The following PRR16 variants were observed in gnomAD, a reference collection of about 807,000 sequenced individuals.
The protein encoded by PRR16 is proline rich 16.
In PRR16, 6 loss-of-function variants were observed where a neutral mutation model predicts 18.2. The observed-to-expected ratio is 0.33, with a 90% CI of 0.18 to 0.65. The LOEUF (loss-of-function observed/expected upper bound fraction) is 0.65. Ranked by LOEUF, PRR16 falls within the 30% of genes least tolerant of loss-of-function variation. The probability of loss-of-function intolerance (pLI) is 0.74; values close to 1 mark genes in which losing one functional copy is unlikely to be tolerated. For missense variants in PRR16, 412 were observed against 376.6 expected, an observed-to-expected ratio of 1.09 and a Z score of -0.78; for synonymous variants, 151 against 147.8, an observed-to-expected ratio of 1.02 and a Z score of -0.16.
chr5:120,772,688 T>C, the PRR16 span, among the ~76,000 whole-genome samples: 2 of 152,042 alleles, frequency 1.3e-5, no homozygotes, highest in African/African-American at 4.8e-5. Context: ...TTTGATGCAA[T>C]TAGGCACCAA....
At chr5:120,651,886 G>C (rs1318876159) in intron 1 of PRR16, among the ~76,000 whole-genome samples, 1 of 152,016 alleles carries the variant, frequency 6.6e-6, no homozygotes, top group African/African-American at 2.4e-5. Flanking sequence ...GTAGCTTGAT[G>C]GGGATGGCAT....
chr5:120,507,729 C>T (rs1750692356), intron 1 of PRR16, among the ~76,000 whole-genome samples: 2 of 151,888 alleles, frequency 1.3e-5, no homozygotes, highest in South Asian at 4.1e-4. Context: ...AAAAGGCACG[C>T]TAGTTAACCA....
chr5:120,763,641 A>T, the PRR16 span, among the ~76,000 whole-genome samples: 1 of 152,012 alleles, frequency 6.6e-6, no homozygotes, highest in African/African-American at 2.4e-5. Flanking sequence ...GATTGCTTTG[A>T]ATAGTATGGT....
chr5:120,654,499 A>G (rs1462191003), intron 1 of PRR16, among the ~76,000 whole-genome samples: 1 of 151,872 alleles, frequency 6.6e-6, no homozygotes, highest in Non-Finnish European at 1.5e-5. Flanking sequence ...ACTTGGTTAA[A>G]TATAAATATC....
chr5:120,615,384 CTTTTTTT>C (rs10717083), intron 1 of PRR16, among the ~76,000 whole-genome samples: 6 of 119,460 alleles, frequency 5.0e-5, no homozygotes, highest in South Asian at 2.7e-4. Context: ...TCTTTCTTTT[CTTTTTTT>C]TTTTTTTTTT....
At chr5:120,701,633 C>G in the PRR16 span, among the ~76,000 whole-genome samples, 2 of 141,374 alleles carry the variant, frequency 1.4e-5, no homozygotes. Flanking sequence ...TCTAGCTCGG[C>G]CTGGCAAGGA....
At chr5:120,504,505 T>TTGAC (rs143482570) in intron 1 of PRR16, among the ~76,000 whole-genome samples, 12,969 of 152,268 alleles carry the variant, frequency 0.085, 724 homozygotes, top group South Asian at 0.17. Flanking sequence ...TGAAGTAGTC[T>TTGAC]GTCACATACT....
intron 1 of PRR16, among the ~76,000 whole-genome samples, chr5:120,480,255 G>A (rs1449368431): frequency 1.3e-5 from 2 of 152,120 alleles, no homozygotes; most frequent in African/African-American, 4.8e-5. Flanking sequence ...TAATCATAGA[G>A]TATGCACCAA....
the PRR16 span, among the ~76,000 whole-genome samples, chr5:120,704,644 C>T: frequency 1.3e-5 from 2 of 152,246 alleles, no homozygotes; most frequent in South Asian, 4.1e-4. Flanking sequence ...ACTTGGGAAG[C>T]TTCACACCCT....
chr5:120,773,021 C>G, the PRR16 span, among the ~76,000 whole-genome samples: 8 of 152,052 alleles, frequency 5.3e-5, no homozygotes, highest in Non-Finnish European at 1.0e-4. Flanking sequence ...TGTAAGTATA[C>G]TATATTATAT....
At chr5:120,574,247 TCAATA>T (rs1285084378) in intron 1 of PRR16, among the ~76,000 whole-genome samples, 1 of 151,914 alleles carries the variant, frequency 6.6e-6, no homozygotes, top group Non-Finnish European at 1.5e-5. Flanking sequence ...TTGCAACAAG[TCAATA>T]ATAATAAAAG....
At chr5:120,569,171 A>G (rs1443995965) in intron 1 of PRR16, among the ~76,000 whole-genome samples, 2 of 152,152 alleles carry the variant, frequency 1.3e-5, no homozygotes, top group African/African-American at 2.4e-5. Context: ...TTTCTGCTGT[A>G]TACTCATGAC....
chr5:120,614,496 A>G (rs1182178788), intron 1 of PRR16, among the ~76,000 whole-genome samples: 1 of 152,212 alleles, frequency 6.6e-6, no homozygotes, highest in Admixed American at 6.5e-5. Context: ...TGTAGTATGG[A>G]TCATCATACT....
the PRR16 span, among the ~76,000 whole-genome samples, chr5:120,698,817 C>T: frequency 6.6e-6 from 1 of 152,042 alleles, no homozygotes; most frequent in African/African-American, 2.4e-5. Context: ...GTCCGTTCTA[C>T]TTTTCTTGAA....
chr5:120,548,816 C>T (rs538897095), intron 1 of PRR16, among the ~76,000 whole-genome samples: 1 of 96,906 alleles, frequency 1.0e-5, no homozygotes, highest in Non-Finnish European at 2.3e-5. Context: ...TACACCACTG[C>T]GTGACTGCCA....
chr5:120,704,483 A>G, the PRR16 span, among the ~76,000 whole-genome samples: 13 of 152,220 alleles, frequency 8.5e-5, no homozygotes, highest in African/African-American at 3.1e-4. Flanking sequence ...GAGCAAATCT[A>G]AGAATATATG....
rs1580861260 is a variant in PRR16, at chr5:120,670,646, C to G, written c.160-15308C>G. On this transcript the variant is annotated intron_variant, in intron 1 of 1. Transcript: ENST00000407149. ...TTACTCCATTAAGAATGCTAGAACT[C>G]TAGCACAGAAAGGAATATCATAATG... Among the ~76,000 whole-genome samples, 6 of 152,182 alleles carry G rather than the reference C, an allele frequency of 3.9e-5. No individual in the cohort carries two copies. In the South Asian group the frequency reaches 1.2e-3, roughly 32 times the overall value.
chr5:120,682,522 A>C (rs1757004268), intron 1 of PRR16, among the ~76,000 whole-genome samples: 1 of 152,162 alleles, frequency 6.6e-6, no homozygotes, highest in Admixed American at 6.5e-5. Flanking sequence ...CTGAGGTGGC[A>C]TTTATTCATC....
At chr5:120,766,831 A>C in the PRR16 span, among the ~76,000 whole-genome samples, 1 of 151,976 alleles carries the variant, frequency 6.6e-6, no homozygotes, top group Admixed American at 6.6e-5. Context: ...CAGTAAATGA[A>C]AAAAATGGGG....
Sources: gnomAD v4.1 joint callset for allele counts (sites outside exome capture counted in the v4.1 genomes callset) on GRCh38, gnomAD v4.1.1 for gene constraint, MANE v1.5 for transcripts, NCBI Gene and HGNC (gene_info 2026-07-23, HGNC 2026-07-21) for gene names.